EXOC6B: variants seen among roughly 807,000 people sequenced by gnomAD.
The protein encoded by EXOC6B is SEC15 homolog B.
A neutral mutation model predicts 113.5 loss-of-function variants in EXOC6B; 54 were observed. The observed-to-expected ratio is 0.48, with a 90% confidence interval of 0.38 to 0.60. EXOC6B has a LOEUF of 0.60. Among genes scored for constraint, EXOC6B ranks in the 20% least tolerant of loss-of-function variants. The probability of loss-of-function intolerance (pLI) is 0.00; values close to 1 mark genes in which losing one functional copy is unlikely to be tolerated. For missense variants in EXOC6B, 797 were observed against 977.5 expected, an observed-to-expected ratio of 0.82 and a Z score of 2.46; for synonymous variants, 357 against 339.0, an observed-to-expected ratio of 1.05 and a Z score of -0.58.
At chr2:72,472,282 G>A (rs1223206947) in intron 17 of EXOC6B, among the ~76,000 whole-genome samples, 1 of 152,046 alleles carries the variant, frequency 6.6e-6, no homozygotes, top group Non-Finnish European at 1.5e-5. Context: ...TTTCAGGATT[G>A]GTATGAGTTA....
intron 1 of EXOC6B, among the ~76,000 whole-genome samples, chr2:72,770,142 A>G (rs1178407897): frequency 1.3e-5 from 2 of 152,222 alleles, no homozygotes; most frequent in African/African-American, 4.8e-5. Flanking sequence ...AAACTTCAAT[A>G]AAAAAGAATG....
chr2:72,766,181 G>C (rs1229405708), intron 1 of EXOC6B, among the ~76,000 whole-genome samples: 1 of 152,148 alleles, frequency 6.6e-6, no homozygotes, highest in African/African-American at 2.4e-5. Flanking sequence ...GAGGACAATA[G>C]CATTAAGGCA....
chr2:72,387,577 A>G (rs1692114345), intron 18 of EXOC6B, among the ~76,000 whole-genome samples: 1 of 152,074 alleles, frequency 6.6e-6, no homozygotes, highest in Non-Finnish European at 1.5e-5. Context: ...ATAAATGTAT[A>G]ATTTGTGTAA....
chr2:72,212,109 G>A (rs1680234282), intron 20 of EXOC6B, among the ~76,000 whole-genome samples: 2 of 152,286 alleles, frequency 1.3e-5, no homozygotes, highest in South Asian at 4.1e-4. Flanking sequence ...CAAAATGAGT[G>A]CTGTTTCTAA....
intron 19 of EXOC6B, among the ~76,000 whole-genome samples, chr2:72,358,263 T>C (rs1690091017): frequency 6.6e-6 from 1 of 151,852 alleles, no homozygotes; most frequent in Non-Finnish European, 1.5e-5. Context: ...GCTATCCACG[T>C]GCTCCCCCTT....
chr2:72,296,526 T>A (rs1207811148), intron 20 of EXOC6B, among the ~76,000 whole-genome samples: 1 of 152,190 alleles, frequency 6.6e-6, no homozygotes, highest in Admixed American at 6.5e-5. Flanking sequence ...TAGATGAGGA[T>A]GTCATAATTC....
chr2:72,201,032 T>A (rs1679459027), intron 20 of EXOC6B, among the ~76,000 whole-genome samples: 2 of 152,164 alleles, frequency 1.3e-5, no homozygotes, highest in African/African-American at 4.8e-5. Context: ...ATCTGCTATA[T>A]GTTTTTATGC....
chr2:72,711,938 T>C (rs1679298873), intron 6 of EXOC6B, among the ~76,000 whole-genome samples: 2 of 152,190 alleles, frequency 1.3e-5, no homozygotes, highest in Non-Finnish European at 2.9e-5. Context: ...CCATTTAATA[T>C]TTTTGAACTG....
intron 18 of EXOC6B, among the ~76,000 whole-genome samples, chr2:72,414,845 C>A (rs1406013275): frequency 1.3e-5 from 2 of 152,178 alleles, no homozygotes; most frequent in African/African-American, 4.8e-5. Flanking sequence ...GATCAATGGT[C>A]AGATAATTGC....
chr2:72,218,339 T>C (rs943572724), intron 20 of EXOC6B, among the ~76,000 whole-genome samples: 1 of 152,190 alleles, frequency 6.6e-6, no homozygotes, highest in African/African-American at 2.4e-5. Context: ...TTTATGCATA[T>C]TCATGAATTC....
In EXOC6B at chr2:72,810,336, AAAATAAATAAAT is replaced by A. The variant is rs150111513; in HGVS notation, c.113+15450_113+15461del. On this transcript the variant is annotated intron_variant, in intron 1 of 21. Transcript: ENST00000272427. Reference sequence around the variant, plus strand: ...AGTGAGAAAGCGAGACCTTGTCTCTAAAATAAATAAATAAATAAATAAATAAATAAATAAATA... The same window carrying A: ...AGTGAGAAAGCGAGACCTTGTCTCTAAAATAAATAAATAAATAAATAAATA... Among the ~76,000 whole-genome samples the A allele has an allele frequency of 8.5e-3, 1,197 of 140,294 alleles. 8 individuals are homozygous for A. Among genetic ancestry groups the A allele is most frequent in the Non-Finnish European group, 0.013 (856 of 64,994 alleles). 92.0% of individuals were successfully genotyped at this position (140,294 alleles called of 152,430 possible).
In EXOC6B at chr2:72,418,854, C is replaced by G. The variant is rs544422124; in HGVS notation, c.1981-38984G>C. Among the ~76,000 whole-genome samples, 24 of 152,268 alleles carry G rather than the reference C, an allele frequency of 1.6e-4. No individual in the cohort carries two copies. The South Asian group carries it at 3.5e-3, about 22-fold the overall frequency. ...GACTTTCTTTTGTCATTTGCTATTA[C>G]TTCTCCAGAAGCCTTACGACCTTCT... On this transcript the variant is annotated intron_variant, in intron 18 of 21. Coordinates refer to ENST00000272427, the MANE Select transcript of EXOC6B (RefSeq NM_015189.3).
At chr2:72,517,626 T>C (rs1336297386) in intron 8 of EXOC6B, among the ~76,000 whole-genome samples, 1 of 152,198 alleles carries the variant, frequency 6.6e-6, no homozygotes, top group East Asian at 1.9e-4. Context: ...TATTAAATCT[T>C]AATTACATTC....
At chr2:72,229,852 T>C (rs745421007) in intron 20 of EXOC6B, among the ~76,000 whole-genome samples, 2 of 152,158 alleles carry the variant, frequency 1.3e-5, no homozygotes, top group Non-Finnish European at 2.9e-5. Context: ...TTTACACTGT[T>C]AGGGAAGCTT....
Position 72,586,519 on chromosome 2 carries a change from G to A in EXOC6B, c.670-10851C>T, listed in dbSNP as rs531625162. On this transcript the variant is annotated intron_variant, in intron 6 of 21. Coordinates refer to ENST00000272427, the MANE Select transcript of EXOC6B (RefSeq NM_015189.3). ...TGTAATTCCAGCACTTTGGGAGGCC[G>A]AGGTGGGCAGATCACAAGGTCAAGA... is the stretch of plus-strand genomic sequence containing the variant. Among the ~76,000 whole-genome samples the A allele has an allele frequency of 3.9e-5, 6 of 152,228 alleles. No homozygotes were observed. In the East Asian group the frequency reaches 7.7e-4, roughly 20 times the overall value.
At chr2:72,820,554 G>T (rs560796864) in intron 1 of EXOC6B, among the ~76,000 whole-genome samples, 29 of 152,024 alleles carry the variant, frequency 1.9e-4, no homozygotes, top group African/African-American at 6.5e-4. Flanking sequence ...AAAAACTTTC[G>T]CTGAAAACTA....
intron 19 of EXOC6B, among the ~76,000 whole-genome samples, chr2:72,370,819 A>C (rs1690957123): frequency 6.7e-6 from 1 of 149,872 alleles, no homozygotes; most frequent in South Asian, 2.2e-4. Flanking sequence ...CAGTGAGAAC[A>C]CTTGGACACA....
At chr2:72,341,504 T>C (rs1473288865) in intron 19 of EXOC6B, among the ~76,000 whole-genome samples, 1 of 152,078 alleles carries the variant, frequency 6.6e-6, no homozygotes, top group African/African-American at 2.4e-5. Context: ...TTGGTAAAAA[T>C]CTGTCACAAA....
At chr2:72,770,644 G>A (rs1439825196) in intron 1 of EXOC6B, among the ~76,000 whole-genome samples, 4 of 152,118 alleles carry the variant, frequency 2.6e-5, no homozygotes, top group Non-Finnish European at 4.4e-5. Context: ...TTAGGATTTG[G>A]GGATTACAAA....
Sources: gnomAD v4.1 joint callset for allele counts (sites outside exome capture counted in the v4.1 genomes callset) on GRCh38, gnomAD v4.1.1 for gene constraint, MANE v1.5 for transcripts, NCBI Gene and HGNC (gene_info 2026-07-23, HGNC 2026-07-21) for gene names.